The following TOP2B variants were observed in gnomAD, a reference collection of about 807,000 sequenced individuals.
TOP2B encodes DNA topoisomerase II beta.
In TOP2B, 51 loss-of-function variants were observed where a neutral mutation model predicts 193.5. That is an observed-to-expected ratio of 0.26 (90% CI 0.21 to 0.33). The LOEUF (loss-of-function observed/expected upper bound fraction) is 0.33, where lower values mean the gene tolerates loss of function less well. Among genes scored for constraint, TOP2B ranks in the 10% least tolerant of loss-of-function variants. TOP2B has a pLI of 1.00. For missense variants in TOP2B, 1,378 were observed against 1,909.3 expected, an observed-to-expected ratio of 0.72 and a Z score of 5.19; for synonymous variants, 634 against 635.7, an observed-to-expected ratio of 1.00 and a Z score of 0.04.
chr3:25,630,545 TAACA>T lies in TOP2B; in HGVS notation c.1406-80_1406-77del, dbSNP rs943232481. ...GATGAGAAAAATGAAGTCAGAAAAT[TAACA>T]TTAGAATGCTGACAGTGAAAGACTA... On this transcript the variant is annotated intron_variant, in intron 11 of 35. Transcript: ENST00000264331. The T allele has an allele frequency of 4.1e-6, 5 of 1,216,384 alleles. No homozygotes were observed. The African/African-American group carries it at 6.1e-5, about 15-fold the overall frequency. 75.3% of individuals were successfully genotyped at this position (1,216,384 alleles called of 1,614,324 possible). A position where few individuals can be genotyped will look rare whatever the true frequency, so the allele number is the denominator to read the frequency against.
chr3:25,616,996 T>G (rs898231134), intron 25 of TOP2B, among the ~76,000 whole-genome samples: 2 of 152,090 alleles, frequency 1.3e-5, no homozygotes, highest in South Asian at 2.1e-4. Context: ...CAACTCTGTA[T>G]AATAGGACAC....
rs756318886 is a variant in TOP2B at position 25,629,161 on chromosome 3, T to C, written c.1690-16A>G. The C allele has an allele frequency of 7.3e-6, 11 of 1,497,614 alleles. No homozygotes were observed. The highest frequency in any genetic ancestry group is 1.3e-5 in the South Asian group (1 of 77,004). 92.8% of individuals were successfully genotyped at this position (1,497,614 alleles called of 1,614,324 possible). ...CATCTTGATCCTAAATAAATGTTAG[T>C]AAAGTAAAAAATGTTGTAATACTTT... On this transcript the variant is annotated splice_polypyrimidine_tract_variant and intron_variant, in intron 13 of 35. Transcript: ENST00000264331.
intron 4 of TOP2B, 126 bp from the exon 5 acceptor site, chr3:25,638,436 T>A: frequency 1.7e-6 from 2 of 1,146,616 alleles, no homozygotes; most frequent in Non-Finnish European, 2.3e-6. Flanking sequence ...TATAAGATAC[T>A]AGTCATTATC....
At chr3:25,635,011 T>C (rs1354701969) in intron 7 of TOP2B, among the ~76,000 whole-genome samples, 5 of 151,882 alleles carry the variant, frequency 3.3e-5, no homozygotes, top group African/African-American at 1.2e-4. Flanking sequence ...TTAGAGAACA[T>C]CTCCCCCAAA....
rs768670311 is a variant in TOP2B at position 25,620,782 on chromosome 3, T to G, written c.2762A>C (p.Gln921Pro). ...TGCATACTGGTTTTGACCAAGTTCT[T>G]GAATCGTGCCTTTAAAGTTTTTGTA... ...PNYKNFKGTIQELGQNQYAVS... is the reference protein window; with the variant it reads ...PNYKNFKGTIPELGQNQYAVS... The change falls in exon 22 of 36, where the codon CAA (glutamine) becomes CCA (proline). Residue 921 changes from glutamine to proline, a missense_variant. Transcript: ENST00000264331. The G allele has an allele frequency of 6.2e-7, 1 of 1,613,612 alleles. No homozygotes were observed.
intron 1 of TOP2B, among the ~76,000 whole-genome samples, chr3:25,656,282 C>T (rs1401109509): frequency 6.6e-6 from 1 of 152,082 alleles, no homozygotes; most frequent in East Asian, 1.9e-4. Context: ...TATTTCAAAT[C>T]AACTGCCAAT....
In TOP2B at chr3:25,606,099, C is replaced by CT; in HGVS notation, c.4321dup (p.Ser1441LysfsTer20). On this transcript the variant is annotated frameshift_variant, in exon 32 of 36. Coordinates refer to ENST00000264331, the MANE Select transcript of TOP2B (RefSeq NM_001330700.2). LOFTEE classifies it high-confidence loss of function. ...TGAGAAGAGATTTCCAAAATCCTGA[C>CT]TTTTTTTGTCATGCAAAGATTTTCT... is the stretch of plus-strand genomic sequence containing the variant. 7 of 1,504,014 alleles carry CT rather than the reference C, an allele frequency of 4.7e-6. No homozygotes were observed. The highest frequency in any genetic ancestry group is 2.6e-5 in the South Asian group (2 of 76,700). 93.2% of individuals were successfully genotyped at this position (1,504,014 alleles called of 1,614,324 possible).
At chr3:25,603,671 G>A (rs746244205) in intron 33 of TOP2B, among the ~76,000 whole-genome samples, 3 of 152,132 alleles carry the variant, frequency 2.0e-5, no homozygotes, top group African/African-American at 7.2e-5. Context: ...TAAAGGAGGG[G>A]GAGACAAAAA....
chr3:25,654,492 A>T (rs1023390005), intron 1 of TOP2B, among the ~76,000 whole-genome samples: 1 of 152,208 alleles, frequency 6.6e-6, no homozygotes, highest in Non-Finnish European at 1.5e-5. Context: ...AAATATTGTT[A>T]AAATGTCCAA....
chr3:25,598,535 G>GAACT, intron 35 of TOP2B, 58 bp from the exon 36 acceptor site: 2 of 1,338,730 alleles, frequency 1.5e-6, no homozygotes, highest in Non-Finnish European at 2.0e-6. Context: ...CTAGTATTAA[G>GAACT]AACTATCACT....
chr3:25,619,202 A>T (rs915082468), intron 23 of TOP2B, among the ~76,000 whole-genome samples: 1 of 152,122 alleles, frequency 6.6e-6, no homozygotes, highest in East Asian at 1.9e-4. Flanking sequence ...TGCTAAGTTT[A>T]AAAATGTTCA....
Position 25,635,951 on chromosome 3 carries a change from A to G in TOP2B, c.837T>C (p.Asn279=), listed in dbSNP as rs776413687. 1.2e-6 allele frequency: 2 copies of G among 1,613,038 alleles called. No individual in the cohort carries two copies. The highest frequency in any genetic ancestry group is 3.3e-5 in the Admixed American group (2 of 59,966). The change falls in exon 7 of 36, where the codon AAT becomes AAC. Residue 279 remains asparagine, a synonymous_variant. Coordinates refer to ENST00000264331, the MANE Select transcript of TOP2B (RefSeq NM_001330700.2). ...GSCRGVKVMF[N]GKKLPVNGFR... ...GGACACTTACAGGCAATTTCTTTCC[A>G]TTAAACATGACCTTGACCCCTCTAC...
chr3:25,626,655 G>A lies in TOP2B; in HGVS notation c.2129C>T (p.Ala710Val). 6.5e-7 allele frequency: 1 copy of A among 1,535,626 alleles called. No homozygotes were observed. The highest frequency in any genetic ancestry group is 8.8e-7 in the Non-Finnish European group (1 of 1,142,288). Residue 710 changes from alanine (A) to valine (V), a missense_variant, in exon 18 of 36, where the codon GCA becomes GTA. Coordinates refer to ENST00000264331, the MANE Select transcript of TOP2B (RefSeq NM_001330700.2). ...GLPEQFLYGT[A>V]TKHLTYNDFI... ...ATCATTATAAGTCAAATGCTTTGTT[G>A]CAGTACCATATAAAAATTGCTAAGA... is the stretch of plus-strand genomic sequence containing the variant.
At chr3:25,624,600 C>G in intron 19 of TOP2B, 82 bp downstream of exon 19, 1 of 1,565,220 alleles carries the variant, frequency 6.4e-7, no homozygotes, top group Non-Finnish European at 8.6e-7. Flanking sequence ...AAAGACTTTA[C>G]TAAAGGAAAA....
chr3:25,632,918 T>C, intron 8 of TOP2B, 124 bp from the exon 9 acceptor site: 1 of 808,404 alleles, frequency 1.2e-6, no homozygotes, highest in Non-Finnish European at 1.9e-6. Context: ...AGTTGAGATT[T>C]TAAAAAAATA....
At chr3:25,607,428 A>G (rs1702263172) in intron 30 of TOP2B, 53 bp from the exon 31 acceptor site, 5 of 1,510,938 alleles carry the variant, frequency 3.3e-6, no homozygotes, top group South Asian at 1.3e-5. Flanking sequence ...CTTTGTATAC[A>G]TGAATTATTA....
At chr3:25,637,450 T>A (rs574030307) in intron 5 of TOP2B, 138 bp from the exon 6 acceptor site, 32 of 611,348 alleles carry the variant, frequency 5.2e-5, no homozygotes, top group African/African-American at 5.0e-4. Flanking sequence ...GATTCCAGAG[T>A]ATATTTAGAT....
At chr3:25,642,266 T>C (rs1278364595) in intron 4 of TOP2B, 56 bp downstream of exon 4, 7 of 1,049,062 alleles carry the variant, frequency 6.7e-6, no homozygotes, top group Non-Finnish European at 9.9e-6. Flanking sequence ...TACTCATAAA[T>C]TGGGGACTAT....
chr3:25,657,762 T>TA (rs1232172612), intron 1 of TOP2B, among the ~76,000 whole-genome samples: 1 of 152,128 alleles, frequency 6.6e-6, no homozygotes, highest in Non-Finnish European at 1.5e-5. Context: ...AACATGCCTT[T>TA]AAAAATAATA....
Sources: allele counts gnomAD v4.1 joint callset (sites outside exome capture counted in the v4.1 genomes callset), GRCh38; gene constraint gnomAD v4.1.1; transcripts MANE v1.5; gene names NCBI Gene and HGNC (gene_info 2026-07-23, HGNC 2026-07-21).